Variants in PHACTR1 observed in about 807,000 individuals in gnomAD.
PHACTR1 encodes RPEL repeat containing 1.
Under a neutral mutation model 69.2 loss-of-function variants are expected in PHACTR1, and 16 were observed. The ratio of observed to expected loss-of-function variants is 0.23; its 90% CI spans 0.16 to 0.35. The LOEUF is 0.35. Among genes scored for constraint, PHACTR1 ranks in the 10% least tolerant of loss-of-function variants. PHACTR1 has a pLI of 1.00. For synonymous variants in PHACTR1, 312 were observed against 284.5 expected (o/e 1.10, Z -0.97); for missense variants, 510 against 734.7 (o/e 0.69, Z 3.54).
intron 4 of PHACTR1, among the ~76,000 whole-genome samples, chr6:12,958,658 A>G (rs1363937103): frequency 6.6e-6 from 1 of 152,214 alleles, no homozygotes; most frequent in African/African-American, 2.4e-5. Context: ...GAAATAAACA[A>G]GATGTTAGTT....
chr6:12,901,428 AG>A (rs1785173214), intron 4 of PHACTR1, among the ~76,000 whole-genome samples: 1 of 152,138 alleles, frequency 6.6e-6, no homozygotes, highest in African/African-American at 2.4e-5. Flanking sequence ...AGGGAAGGAA[AG>A]GTTGGAGGAA....
At chr6:12,806,547 G>A (rs563995686) in intron 4 of PHACTR1, among the ~76,000 whole-genome samples, 17 of 151,956 alleles carry the variant, frequency 1.1e-4, no homozygotes, top group Non-Finnish European at 2.1e-4. Context: ...CAAAATCCTG[G>A]GATTAAATGA....
intron 3 of PHACTR1, among the ~76,000 whole-genome samples, chr6:12,732,954 CCTCGTGATCTAATCA>C (rs1395682468): frequency 2.6e-5 from 4 of 152,172 alleles, no homozygotes; most frequent in African/African-American, 9.7e-5. Context: ...CTGACTAATA[CCTCGTGATCTAATCA>C]CTGTCATCAG....
At chr6:12,990,243 G>T (rs1254093014) in intron 4 of PHACTR1, among the ~76,000 whole-genome samples, 2 of 152,140 alleles carry the variant, frequency 1.3e-5, no homozygotes, top group Non-Finnish European at 2.9e-5. Context: ...TCTTCTTTTT[G>T]GGATACTCTT....
intron 10 of PHACTR1, among the ~76,000 whole-genome samples, chr6:13,265,238 C>T (rs1027179093): frequency 1.3e-5 from 2 of 152,080 alleles, no homozygotes; most frequent in African/African-American, 4.8e-5. Context: ...TCAGTAACAG[C>T]CTCCATGGTG....
chr6:13,081,104 T>G lies in PHACTR1; in HGVS notation c.415+27575T>G, dbSNP rs1357593918. Among the ~76,000 whole-genome samples the G allele has an allele frequency of 2.0e-5, 3 of 152,130 alleles. No individual in the cohort carries two copies. In the East Asian group the frequency reaches 5.8e-4, roughly 29 times the overall value. On this transcript the variant is annotated intron_variant, in intron 5 of 14. Coordinates refer to ENST00000332995, the MANE Select transcript of PHACTR1 (RefSeq NM_030948.6). ...ACACCGAGCATAAAAACCCTAAAAGTGTCAGTCTTTTCATGTACCCCAAAA... is the reference window on the plus strand; with the variant it reads ...ACACCGAGCATAAAAACCCTAAAAGGGTCAGTCTTTTCATGTACCCCAAAA...
chr6:13,130,408 C>A (rs1442714342), intron 5 of PHACTR1, among the ~76,000 whole-genome samples: 1 of 151,976 alleles, frequency 6.6e-6, no homozygotes. Context: ...ATTTGATAGA[C>A]CTCTAGTGAG....
chr6:13,156,385 C>G (rs1212600274), intron 5 of PHACTR1, among the ~76,000 whole-genome samples: 1 of 152,168 alleles, frequency 6.6e-6, no homozygotes, highest in African/African-American at 2.4e-5. Flanking sequence ...CTTATTTAAA[C>G]TAAAACAGAT....
At chr6:12,918,991 AT>A (rs1280250851) in intron 4 of PHACTR1, among the ~76,000 whole-genome samples, 1 of 151,760 alleles carries the variant, frequency 6.6e-6, no homozygotes, top group African/African-American at 2.4e-5. Context: ...TTTATTTTTA[AT>A]TTTTTTTGAA....
intron 5 of PHACTR1, among the ~76,000 whole-genome samples, chr6:13,154,572 T>G (rs1413059506): frequency 1.3e-5 from 2 of 152,230 alleles, no homozygotes; most frequent in African/African-American, 4.8e-5. Context: ...AAATAATATC[T>G]GCTCTCATGC....
intron 4 of PHACTR1, among the ~76,000 whole-genome samples, chr6:12,867,734 T>C (rs1781596531): frequency 6.6e-6 from 1 of 152,230 alleles, no homozygotes; most frequent in African/African-American, 2.4e-5. Flanking sequence ...GTCAGGTGAC[T>C]ACATTGCAAG....
At chr6:12,921,482 A>AGGAGGGAAGGAAGGAT (rs1554168120) in intron 4 of PHACTR1, among the ~76,000 whole-genome samples, 3,467 of 134,722 alleles carry the variant, frequency 0.026, 144 homozygotes, top group South Asian at 0.089. Flanking sequence ...GAAGGAAGGA[A>AGGAGGGAAGGAAGGAT]GGAGGGAAGG....
rs1270772494 is a variant in PHACTR1, at chr6:13,064,600, ATATATCTATATATCTATC to A, written c.415+11075_415+11092del. Among the ~76,000 whole-genome samples the A allele has an allele frequency of 9.5e-3, 71 of 7,510 alleles. 7 individuals carry two copies. Among genetic ancestry groups the A allele is most frequent in the African/African-American group, 0.019 (24 of 1,258 alleles). The allele number at this position is 7,510 out of a possible 152,430, so 4.9% of individuals were successfully genotyped here. On this transcript the variant is annotated intron_variant, in intron 5 of 14. Transcript: ENST00000332995. ...TATATATATATATATATATATATAT[ATATATCTATATATCTATC>A]TATCCACACTTGCCAGACTATGGAG...
intron 4 of PHACTR1, among the ~76,000 whole-genome samples, chr6:12,923,153 A>G (rs762725578): frequency 6.6e-6 from 1 of 152,214 alleles, no homozygotes; most frequent in Non-Finnish European, 1.5e-5. Flanking sequence ...GTAACTCAAA[A>G]GTTAATGCAA....
intron 10 of PHACTR1, among the ~76,000 whole-genome samples, chr6:13,232,765 G>C (rs890619062): frequency 6.6e-6 from 1 of 152,120 alleles, no homozygotes; most frequent in Non-Finnish European, 1.5e-5. Flanking sequence ...TGGTTGGGGT[G>C]GGTGGGTGTG....
At chr6:13,060,804 G>A (rs1187131187) in intron 5 of PHACTR1, among the ~76,000 whole-genome samples, 1 of 152,272 alleles carries the variant, frequency 6.6e-6, no homozygotes, top group Admixed American at 6.5e-5. Context: ...TTGGCTTTTG[G>A]CTGTCCTGGT....
chr6:13,064,647 T>A (rs1808339308), intron 5 of PHACTR1, among the ~76,000 whole-genome samples: 1 of 121,176 alleles, frequency 8.3e-6, no homozygotes, highest in Non-Finnish European at 1.7e-5. Context: ...TATGGAGGAT[T>A]CACCACCAGA....
chr6:12,932,378 G>A (rs543692187), intron 4 of PHACTR1, among the ~76,000 whole-genome samples: 44 of 152,186 alleles, frequency 2.9e-4, no homozygotes, highest in African/African-American at 9.6e-4. Context: ...TAGCAAGTAT[G>A]GCCAATGCTA....
chr6:13,227,497 C>T (rs1769966310), intron 8 of PHACTR1, among the ~76,000 whole-genome samples: 1 of 152,124 alleles, frequency 6.6e-6, no homozygotes, highest in Non-Finnish European at 1.5e-5. Flanking sequence ...TAAGTACGTT[C>T]ACATCATTGT....
Sources: gnomAD v4.1 joint callset for allele counts (sites outside exome capture counted in the v4.1 genomes callset) on GRCh38, gnomAD v4.1.1 for gene constraint, MANE v1.5 for transcripts, NCBI Gene and HGNC (gene_info 2026-07-23, HGNC 2026-07-21) for gene names.